The following IL1RAPL1 variants were observed in gnomAD, a reference collection of about 807,000 sequenced individuals.
The protein encoded by IL1RAPL1 is interleukin 1 receptor accessory protein like 1, also known as interleukin-1 receptor accessory protein-like 1.
In IL1RAPL1, 3 loss-of-function variants were observed where a neutral mutation model predicts 48.4. The observed-to-expected ratio is 0.06, with a 90% CI of 0.03 to 0.16. The LOEUF is 0.16. IL1RAPL1 is among the 10% of genes least tolerant of loss of function. The pLI, the probability that IL1RAPL1 is intolerant of heterozygous loss-of-function variation, is 1.00. For synonymous variants in IL1RAPL1, 185 were observed against 187.7 expected (o/e 0.99, Z 0.12); for missense variants, 349 against 530.6 (o/e 0.66, Z 3.36).
chrX:29,385,128 A>G (rs1933758070), intron 3 of IL1RAPL1, among the ~76,000 whole-genome samples: 1 of 111,907 alleles, frequency 8.9e-6, no homozygotes, highest in Admixed American at 9.5e-5. Flanking sequence ...CATCACCACT[A>G]TCTATTTCCG....
chrX:28,602,175 C>A (rs1325359088), intron 1 of IL1RAPL1, among the ~76,000 whole-genome samples: 3 of 110,563 alleles, frequency 2.7e-5, no homozygotes, highest in African/African-American at 9.9e-5. Context: ...GGTGACACTC[C>A]TTTTCCATCA....
intron 5 of IL1RAPL1, among the ~76,000 whole-genome samples, chrX:29,652,019 G>A (rs1925533500): frequency 8.9e-6 from 1 of 111,760 alleles, no homozygotes; most frequent in Non-Finnish European, 1.9e-5. Context: ...TAAAGTAACT[G>A]AAGCATATCT....
intron 6 of IL1RAPL1, among the ~76,000 whole-genome samples, chrX:29,691,523 A>T (rs1425147574): frequency 9.0e-6 from 1 of 111,725 alleles, no homozygotes; most frequent in Non-Finnish European, 1.9e-5. Flanking sequence ...AAAGGTGCCA[A>T]ATGATGTTAT....
At chrX:28,795,934 A>G (rs1258241047) in intron 2 of IL1RAPL1, among the ~76,000 whole-genome samples, 2 of 111,373 alleles carry the variant, frequency 1.8e-5, no homozygotes, top group Admixed American at 1.9e-4. Context: ...AGACTGGGCA[A>G]TTTATAAAAT....
chrX:29,954,975 G>A (rs1933391082), intron 10 of IL1RAPL1, 127 bp from the exon 11 acceptor site: 1 of 609,140 alleles, frequency 1.6e-6, no homozygotes, highest in Admixed American at 2.6e-5. Context: ...GCTGACATTA[G>A]GAGAAGCAAG....
intron 2 of IL1RAPL1, among the ~76,000 whole-genome samples, chrX:29,054,683 TTTACACTGAA>T (rs1927173206): frequency 8.9e-6 from 1 of 111,974 alleles, no homozygotes; most frequent in African/African-American, 3.2e-5. Flanking sequence ...AAGTTAAATG[TTTACACTGAA>T]TTGGGTTTTG....
At chrX:29,038,800 G>A (rs1234938001) in intron 2 of IL1RAPL1, among the ~76,000 whole-genome samples, 2 of 110,213 alleles carry the variant, frequency 1.8e-5, no homozygotes, top group Non-Finnish European at 3.8e-5. Context: ...TTTCTTCTAG[G>A]GTCAAGACCT....
intron 6 of IL1RAPL1, among the ~76,000 whole-genome samples, chrX:29,883,607 G>A (rs2147216007): frequency 8.9e-6 from 1 of 112,243 alleles, no homozygotes; most frequent in South Asian, 3.7e-4. Context: ...CGGATTTCCA[G>A]TGCCAGGTGA....
At chrX:29,713,446 A>G (rs964799540) in intron 6 of IL1RAPL1, among the ~76,000 whole-genome samples, 1 of 111,837 alleles carries the variant, frequency 8.9e-6, no homozygotes, top group Non-Finnish European at 1.9e-5. Context: ...AAATGATCTA[A>G]TGAAGTTGTG....
intron 5 of IL1RAPL1, among the ~76,000 whole-genome samples, chrX:29,509,818 T>A (rs753272662): frequency 4.4e-5 from 5 of 112,550 alleles, no homozygotes; most frequent in African/African-American, 1.3e-4. Context: ...TTCCGCTAGG[T>A]TAATTTTCCT....
intron 2 of IL1RAPL1, among the ~76,000 whole-genome samples, chrX:29,121,163 G>A (rs767283622): frequency 9.0e-6 from 1 of 111,697 alleles, no homozygotes; most frequent in Non-Finnish European, 1.9e-5. Flanking sequence ...AAGCTTTCCT[G>A]CTAAGATCAG....
intron 2 of IL1RAPL1, among the ~76,000 whole-genome samples, chrX:29,171,051 C>T (rs1419401205): frequency 3.6e-5 from 4 of 111,146 alleles, no homozygotes; most frequent in African/African-American, 1.3e-4. Flanking sequence ...AGCTGGAGTA[C>T]AGTGGCACGA....
intron 5 of IL1RAPL1, among the ~76,000 whole-genome samples, chrX:29,647,624 C>G (rs1411678482): frequency 9.0e-6 from 1 of 110,594 alleles, no homozygotes; most frequent in Admixed American, 9.6e-5. Flanking sequence ...CTCATGGTAA[C>G]CACAAAGCAA....
chrX:29,491,718 C>T (rs1264769524), intron 5 of IL1RAPL1, among the ~76,000 whole-genome samples: 1 of 111,070 alleles, frequency 9.0e-6, no homozygotes, highest in African/African-American at 3.3e-5. Flanking sequence ...AGATTGTAAT[C>T]ACTTATTGTT....
chrX:28,937,779 A>G (rs1924056087), intron 2 of IL1RAPL1, among the ~76,000 whole-genome samples: 1 of 111,496 alleles, frequency 9.0e-6, no homozygotes, highest in Non-Finnish European at 1.9e-5. Flanking sequence ...AAAACCCTAT[A>G]GTTTTGTCCC....
rs145763274 is a variant in IL1RAPL1 at position 29,682,081 on chromosome X, G to A, written c.778+13577G>A. On this transcript the variant is annotated intron_variant, in intron 6 of 10. Transcript: ENST00000378993. ...CCCTATTAGTATGTACAATTATTGC[G>A]TATTAATAAAAAGGAAAAACATTTG... is the stretch of plus-strand genomic sequence containing the variant. 5.8e-3 allele frequency among the ~76,000 whole-genome samples: 649 copies of A among 111,549 alleles called. 3 individuals carry two copies. Among genetic ancestry groups the A allele is most frequent in the African/African-American group, 0.02 (623 of 30,701 alleles).
At chrX:28,763,742 C>T (rs1314295683) in intron 1 of IL1RAPL1, among the ~76,000 whole-genome samples, 1 of 110,685 alleles carries the variant, frequency 9.0e-6, no homozygotes, top group East Asian at 2.8e-4. Flanking sequence ...TGAGATTGTG[C>T]CTAGCTGAGT....
At chrX:29,881,362 A>G (rs1932028915) in intron 6 of IL1RAPL1, among the ~76,000 whole-genome samples, 1 of 111,108 alleles carries the variant, frequency 9.0e-6, no homozygotes, top group Non-Finnish European at 1.9e-5. Flanking sequence ...GAGGGCTAAG[A>G]AAAGAAAATT....
At chrX:29,563,273 T>C (rs1401242210) in intron 5 of IL1RAPL1, among the ~76,000 whole-genome samples, 1 of 111,990 alleles carries the variant, frequency 8.9e-6, no homozygotes, top group African/African-American at 3.3e-5. Context: ...TTTTGGTCAG[T>C]CTATTTTTTT....
Sources: gnomAD v4.1 joint callset for allele counts (sites outside exome capture counted in the v4.1 genomes callset) on GRCh38, gnomAD v4.1.1 for gene constraint, MANE v1.5 for transcripts, NCBI Gene and HGNC (gene_info 2026-07-23, HGNC 2026-07-21) for gene names.